The following ABCC9 variants were observed in gnomAD, a reference collection of about 807,000 sequenced individuals.
ABCC9 encodes the protein ATP binding cassette subfamily C member 9, also known as ATP-binding cassette sub-family C member 9.
In ABCC9, 95 loss-of-function variants were observed where a neutral mutation model predicts 188.3. That is an observed-to-expected ratio of 0.50 (90% confidence interval 0.43 to 0.60). ABCC9 has a LOEUF of 0.60. Ranked by LOEUF, ABCC9 falls within the 20% of genes least tolerant of loss-of-function variation. ABCC9 has a pLI of 0.00. For synonymous variants in ABCC9, 659 were observed against 652.7 expected, an observed-to-expected ratio of 1.01 and a Z score of -0.15; for missense variants, 1,102 against 1,876.3, an observed-to-expected ratio of 0.59 and a Z score of 7.62.
intron 31 of ABCC9, among the ~76,000 whole-genome samples, chr12:21,824,057 A>C (rs538976640): frequency 1.3e-5 from 2 of 152,318 alleles, no homozygotes; most frequent in South Asian, 4.1e-4. Flanking sequence ...TGTGTAGACA[A>C]AGAGGAAAAA....
chr12:21,910,754 T>A, intron 9 of ABCC9, 72 bp downstream of exon 9: 1 of 1,386,814 alleles, frequency 7.2e-7, no homozygotes, highest in African/African-American at 1.4e-5. Flanking sequence ...AAACTGAAGC[T>A]ACCGCTATTC....
In ABCC9 at chr12:21,850,918, C is replaced by T. The variant is rs181238214; in HGVS notation, c.2769+1179G>A. The stretch of plus-strand genomic sequence containing the variant: ...GCCAAATATCCTCATTTCAATGGTT[C>T]TGTGATTTGTCCTATTCTGCTTGTA... On this transcript the variant is annotated intron_variant, in intron 24 of 39. Coordinates refer to ENST00000261200, the MANE Select transcript of ABCC9 (RefSeq NM_020297.4). Among the ~76,000 whole-genome samples, 21 of 151,982 alleles carry T rather than the reference C, an allele frequency of 1.4e-4. No homozygotes were observed. In the East Asian group the frequency reaches 3.3e-3, roughly 24 times the overall value.
chr12:21,892,825 T>C (rs1947229632), intron 14 of ABCC9, among the ~76,000 whole-genome samples: 1 of 152,244 alleles, frequency 6.6e-6, no homozygotes, highest in South Asian at 2.1e-4. Context: ...TAATAAATTC[T>C]AGTTTTCTCA....
At chr12:21,818,486 CTATA>C (rs745384768) in intron 31 of ABCC9, among the ~76,000 whole-genome samples, 2 of 136,068 alleles carry the variant, frequency 1.5e-5, no homozygotes, top group East Asian at 2.1e-4. Flanking sequence ...CTATATCTAT[CTATA>C]TATATATCTA....
chr12:21,916,822 A>G lies in ABCC9; in HGVS notation c.573+115T>C, dbSNP rs981801206. ...TTAGTTCAACTTTATATTTATATAT[A>G]TAAATCAAATACATGTGTTCATCCT... On this transcript the variant is annotated intron_variant, in intron 6 of 39. Coordinates refer to ENST00000261200, the MANE Select transcript of ABCC9 (RefSeq NM_020297.4). The G allele has an allele frequency of 6.6e-6, 6 of 907,926 alleles. No individual in the cohort carries two copies. The East Asian group carries it at 7.7e-5, about 12-fold the overall frequency. The allele number at this position is 907,926 out of a possible 1,614,324, so 56.2% of individuals were successfully genotyped here. A position where few individuals can be genotyped will look rare whatever the true frequency, so the allele number is the denominator to read the frequency against.
chr12:21,883,390 G>GA (rs1310836347), intron 15 of ABCC9, among the ~76,000 whole-genome samples: 1 of 152,148 alleles, frequency 6.6e-6, no homozygotes, highest in Non-Finnish European at 1.5e-5. Flanking sequence ...TTACATAGGG[G>GA]AGTTCCCCTG....
intron 2 of ABCC9, among the ~76,000 whole-genome samples, chr12:21,940,327 G>A (rs185726788): frequency 8.1e-4 from 123 of 152,312 alleles, no homozygotes; most frequent in African/African-American, 2.9e-3. Context: ...AGAGAAGCAG[G>A]ACATTTTAAA....
chr12:21,908,800 G>A (rs1948172029), intron 10 of ABCC9, among the ~76,000 whole-genome samples: 1 of 151,870 alleles, frequency 6.6e-6, no homozygotes, highest in South Asian at 2.1e-4. Flanking sequence ...TAAAGTTAGT[G>A]TCCTATCTTA....
At chr12:21,859,516 A>G in intron 22 of ABCC9, 70 bp downstream of exon 22, 1 of 1,452,626 alleles carries the variant, frequency 6.9e-7, no homozygotes, top group South Asian at 1.1e-5. Flanking sequence ...CTTGACTTAC[A>G]CCTTTTTAAA....
chr12:21,920,231 C>T (rs1948756642), intron 5 of ABCC9, among the ~76,000 whole-genome samples: 1 of 151,474 alleles, frequency 6.6e-6, no homozygotes, highest in Admixed American at 6.6e-5. Context: ...GACATCTTAG[C>T]TACAGCAATA....
intron 39 of ABCC9, among the ~76,000 whole-genome samples, chr12:21,801,805 A>G (rs1941448998): frequency 1.3e-5 from 2 of 152,190 alleles, no homozygotes; most frequent in South Asian, 4.1e-4. Context: ...AGCATATGCC[A>G]TATATTAAGT....
chr12:21,855,844 C>T (rs1336331324), intron 22 of ABCC9, among the ~76,000 whole-genome samples: 1 of 152,148 alleles, frequency 6.6e-6, no homozygotes, highest in East Asian at 1.9e-4. Context: ...GAGACTTTAG[C>T]ATCTTCCAAG....
Position 21,860,897 on chromosome 12 carries a change from A to G in ABCC9, c.2424+74T>C, listed in dbSNP as rs911624933. Reference sequence around the variant, plus strand: ...AAGCTCTCAAATTTCATGATTCTCTATTAAAGATTAAAGACAACCAGAAGA... The same window carrying G: ...AAGCTCTCAAATTTCATGATTCTCTGTTAAAGATTAAAGACAACCAGAAGA... On this transcript the variant is annotated intron_variant, in intron 21 of 39. Coordinates refer to ENST00000261200, the MANE Select transcript of ABCC9 (RefSeq NM_020297.4). The G allele has an allele frequency of 3.0e-5, 36 of 1,181,742 alleles. No homozygotes were observed. In the Admixed American group the frequency reaches 5.0e-4, roughly 16 times the overall value. 73.2% of individuals were successfully genotyped at this position (1,181,742 alleles called of 1,614,324 possible).
chr12:21,917,191 C>G lies in ABCC9; in HGVS notation c.407-88G>C, dbSNP rs142667078. 3.0e-6 allele frequency: 4 copies of G among 1,354,040 alleles called. No individual in the cohort carries two copies. In the South Asian group the frequency reaches 4.7e-5, roughly 16 times the overall value. The allele number at this position is 1,354,040 out of a possible 1,614,324, so 83.9% of individuals were successfully genotyped here. Reference sequence around the variant, plus strand: ...ATGTAATTATGATGCTTTTTAATAACAAAGGCAATTTTATGTACTATATTT... The same window carrying G: ...ATGTAATTATGATGCTTTTTAATAAGAAAGGCAATTTTATGTACTATATTT... On this transcript the variant is annotated intron_variant, in intron 5 of 39. Transcript: ENST00000261200.
chr12:21,883,094 A>C (rs528641168), intron 15 of ABCC9, among the ~76,000 whole-genome samples: 3 of 152,234 alleles, frequency 2.0e-5, no homozygotes, highest in African/African-American at 7.2e-5. Context: ...ATATGAAAAT[A>C]GGATACTTGC....
intron 18 of ABCC9, 64 bp downstream of exon 18, chr12:21,872,561 T>G: frequency 7.8e-7 from 1 of 1,284,928 alleles, no homozygotes; most frequent in Non-Finnish European, 1.1e-6. Flanking sequence ...TTGTCTAAGT[T>G]CTTTCCTTGG....
At chr12:21,880,224 T>C (rs114232696) in intron 16 of ABCC9, among the ~76,000 whole-genome samples, 3,047 of 152,146 alleles carry the variant, frequency 0.02, 104 homozygotes, top group African/African-American at 0.069. Flanking sequence ...CCCTACTTCA[T>C]ACTAAACACA....
chr12:21,849,056 G>A (rs564030453), intron 24 of ABCC9, among the ~76,000 whole-genome samples: 6 of 152,016 alleles, frequency 3.9e-5, no homozygotes, highest in African/African-American at 9.7e-5. Context: ...AGGTTCTACC[G>A]GCTATTCTGG....
chr12:21,887,731 G>T (rs1946951484), intron 15 of ABCC9, 95 bp downstream of exon 15: 2 of 872,086 alleles, frequency 2.3e-6, no homozygotes, highest in Admixed American at 3.7e-5. Flanking sequence ...AAAAACTAAA[G>T]CTTATAATCT....
Sources: allele counts gnomAD v4.1 joint callset (sites outside exome capture counted in the v4.1 genomes callset), GRCh38; gene constraint gnomAD v4.1.1; transcripts MANE v1.5; gene names NCBI Gene and HGNC (gene_info 2026-07-23, HGNC 2026-07-21).